ZNF804B: variants seen among roughly 807,000 people sequenced by gnomAD.
ZNF804B encodes the protein zinc finger 804B.
In ZNF804B, 80 loss-of-function variants were observed where a neutral mutation model predicts 101.4. The observed-to-expected ratio is 0.79, with a 90% CI of 0.66 to 0.95. ZNF804B has a LOEUF of 0.95. Among genes scored for constraint, ZNF804B ranks in the 40% least tolerant of loss-of-function variants. The pLI, the probability that ZNF804B is intolerant of heterozygous loss-of-function variation, is 0.00. For missense variants in ZNF804B, 1,673 were observed against 1,561.9 expected (o/e 1.07, Z -1.20); for synonymous variants, 622 against 558.8 (o/e 1.11, Z -1.59).
chr7:89,031,195 A>ATG (rs1464159025), intron 1 of ZNF804B, among the ~76,000 whole-genome samples: 7 of 117,268 alleles, frequency 6.0e-5, no homozygotes, highest in Non-Finnish European at 1.4e-4. Flanking sequence ...GTGTATATAT[A>ATG]TATATGTGTG....
chr7:89,217,335 A>G (rs1045377263), intron 1 of ZNF804B, among the ~76,000 whole-genome samples: 1 of 152,176 alleles, frequency 6.6e-6, no homozygotes, highest in African/African-American at 2.4e-5. Context: ...TTTGAATTCA[A>G]ATTCCTTCTC....
intron 1 of ZNF804B, among the ~76,000 whole-genome samples, chr7:89,171,662 T>G (rs1225075242): frequency 1.3e-5 from 2 of 152,110 alleles, no homozygotes; most frequent in Non-Finnish European, 2.9e-5. Flanking sequence ...CTCGAACTCC[T>G]GACCTCAAGT....
rs953030623 is a variant in ZNF804B, at chr7:89,218,094, C to T, written c.109-61C>T. ...AAGTTAAATACCACCTTGATTAATA[C>T]GAGATCTGGTTATGCTATTAGAGAG... On this transcript the variant is annotated intron_variant, in intron 1 of 3. Coordinates refer to ENST00000333190, the MANE Select transcript of ZNF804B (RefSeq NM_181646.5). 71 of 1,505,820 alleles carry T rather than the reference C, an allele frequency of 4.7e-5. No individual in the cohort carries two copies. In the East Asian group the frequency reaches 7.3e-4, roughly 15 times the overall value. The allele number at this position is 1,505,820 out of a possible 1,614,324, so 93.3% of individuals were successfully genotyped here.
chr7:89,155,182 A>G (rs945824958), intron 1 of ZNF804B, among the ~76,000 whole-genome samples: 1 of 152,156 alleles, frequency 6.6e-6, no homozygotes, highest in Non-Finnish European at 1.5e-5. Context: ...CTTGGGGTTT[A>G]TAACTGTTAA....
intron 2 of ZNF804B, among the ~76,000 whole-genome samples, chr7:89,256,014 A>C (rs763180807): frequency 6.6e-6 from 1 of 152,172 alleles, no homozygotes; most frequent in African/African-American, 2.4e-5. Flanking sequence ...GATTGCAAAA[A>C]GTATTAAAAG....
At chr7:89,295,831 A>G (rs1177962269) in intron 2 of ZNF804B, among the ~76,000 whole-genome samples, 1 of 152,150 alleles carries the variant, frequency 6.6e-6, no homozygotes, top group South Asian at 2.1e-4. Context: ...CATTAAAAGG[A>G]ACAAAACAAT....
At chr7:89,147,749 C>A (rs1362263762) in intron 1 of ZNF804B, among the ~76,000 whole-genome samples, 1 of 151,758 alleles carries the variant, frequency 6.6e-6, no homozygotes, top group Non-Finnish European at 1.5e-5. Flanking sequence ...GGAGAACGAA[C>A]CCTATTGTGA....
At chr7:88,984,304 A>G (rs1313214581) in intron 1 of ZNF804B, among the ~76,000 whole-genome samples, 1 of 151,986 alleles carries the variant, frequency 6.6e-6, no homozygotes, top group East Asian at 1.9e-4. Context: ...ATTTCTTCTT[A>G]ATGGAGGAAT....
intron 1 of ZNF804B, among the ~76,000 whole-genome samples, chr7:88,991,340 C>T (rs1793842642): frequency 6.6e-6 from 1 of 152,220 alleles, no homozygotes; most frequent in Middle Eastern, 3.4e-3. Flanking sequence ...CATAGCCCGT[C>T]AGGTTGTGGT....
chr7:89,003,596 C>G (rs1040121477), intron 1 of ZNF804B, among the ~76,000 whole-genome samples: 1 of 151,884 alleles, frequency 6.6e-6, no homozygotes, highest in Non-Finnish European at 1.5e-5. Context: ...TCAACTCTTT[C>G]AATTTATTGA....
At chr7:89,315,061 G>A (rs1416602931) in intron 2 of ZNF804B, among the ~76,000 whole-genome samples, 1 of 152,140 alleles carries the variant, frequency 6.6e-6, no homozygotes, top group African/African-American at 2.4e-5. Context: ...GTATGATGCT[G>A]GCATCTGCTT....
At chr7:89,065,288 G>A (rs1789441914) in intron 1 of ZNF804B, among the ~76,000 whole-genome samples, 1 of 152,164 alleles carries the variant, frequency 6.6e-6, no homozygotes, top group Non-Finnish European at 1.5e-5. Context: ...AAGGCAGCCT[G>A]TTGGTGCCAG....
intron 1 of ZNF804B, among the ~76,000 whole-genome samples, chr7:89,021,818 T>C (rs1186116832): frequency 6.6e-6 from 1 of 152,174 alleles, no homozygotes; most frequent in Non-Finnish European, 1.5e-5. Flanking sequence ...CATAGTGCTC[T>C]CTAGAAGTAG....
chr7:88,821,634 G>C (rs927933267), intron 1 of ZNF804B, among the ~76,000 whole-genome samples: 1 of 152,078 alleles, frequency 6.6e-6, no homozygotes, highest in Admixed American at 6.6e-5. Context: ...ACTTCTGAAG[G>C]AGAAATACCA....
intron 1 of ZNF804B, among the ~76,000 whole-genome samples, chr7:88,919,499 A>G (rs558068312): frequency 1.3e-5 from 2 of 152,288 alleles, no homozygotes; most frequent in East Asian, 3.9e-4. Context: ...GGTCTCTTCT[A>G]GAGGAAGCAC....
At chr7:89,019,813 A>T (rs1248693128) in intron 1 of ZNF804B, among the ~76,000 whole-genome samples, 1 of 151,950 alleles carries the variant, frequency 6.6e-6, no homozygotes, top group Admixed American at 6.6e-5. Flanking sequence ...TGTGTGAAAT[A>T]TGTTTTTCCA....
intron 2 of ZNF804B, among the ~76,000 whole-genome samples, chr7:89,292,502 A>G (rs1790312246): frequency 1.3e-5 from 2 of 152,110 alleles, no homozygotes; most frequent in Non-Finnish European, 2.9e-5. Flanking sequence ...ATAATATTTT[A>G]TAATACAGTA....
intron 1 of ZNF804B, among the ~76,000 whole-genome samples, chr7:88,786,988 G>A (rs1173123946): frequency 6.6e-6 from 1 of 152,098 alleles, no homozygotes; most frequent in Non-Finnish European, 1.5e-5. Flanking sequence ...GAATGTGGTT[G>A]AGTACCATGT....
intron 1 of ZNF804B, among the ~76,000 whole-genome samples, chr7:88,829,409 A>G (rs1230694938): frequency 1.3e-5 from 2 of 152,130 alleles, no homozygotes; most frequent in East Asian, 1.9e-4. Flanking sequence ...TTGGTGGGAT[A>G]TCCCTTCTGG....
Sources: allele counts gnomAD v4.1 joint callset (sites outside exome capture counted in the v4.1 genomes callset), GRCh38; gene constraint gnomAD v4.1.1; transcripts MANE v1.5; gene names NCBI Gene and HGNC (gene_info 2026-07-23, HGNC 2026-07-21).